GAB2: variants seen among roughly 807,000 people sequenced by gnomAD.
The protein encoded by GAB2 is GRB2 associated binding protein 2, also known as GRB2-associated-binding protein 2.
A neutral mutation model predicts 65.5 loss-of-function variants in GAB2; 26 were observed. The observed-to-expected ratio is 0.40, with a 90% CI of 0.29 to 0.55. The LOEUF (loss-of-function observed/expected upper bound fraction) is 0.55, where lower values mean the gene tolerates loss of function less well. Ranked by LOEUF, GAB2 falls within the 20% of genes least tolerant of loss-of-function variation. The pLI is 0.53. For synonymous variants in GAB2, 321 were observed against 329.6 expected, an observed-to-expected ratio of 0.97 and a Z score of 0.28; for missense variants, 884 against 875.8, an observed-to-expected ratio of 1.01 and a Z score of -0.12.
rs114566739 is a variant in GAB2, at chr11:78,318,530, A to G, written c.76-37629T>C. On this transcript the variant is annotated intron_variant, in intron 1 of 9. Transcript: ENST00000361507. ...ATGAGGATAGATTAAGGGAAACAGGAAGCCCAGACAAAACAGGATAAGGGC... is the reference window on the plus strand; with the variant it reads ...ATGAGGATAGATTAAGGGAAACAGGGAGCCCAGACAAAACAGGATAAGGGC... Among the ~76,000 whole-genome samples, 1,149 of 152,108 alleles carry G rather than the reference A, an allele frequency of 7.6e-3. 13 individuals are homozygous for G. Among genetic ancestry groups the G allele is most frequent in the African/African-American group, 0.026 (1,092 of 41,472 alleles).
rs1180956873 is a variant in GAB2 at position 78,219,422 on chromosome 11, G to A, written c.1888-7C>T. ...TGACGGATGAAGTAGATGGCTGAGG[G>A]GACAGAGTGGGAAAGAGGGAGTAGC... On this transcript the variant is annotated splice_region_variant and splice_polypyrimidine_tract_variant and intron_variant, in intron 9 of 9. Coordinates refer to ENST00000361507, the MANE Select transcript of GAB2 (RefSeq NM_080491.3). 3 of 1,613,522 alleles carry A rather than the reference G, an allele frequency of 1.9e-6. No homozygotes were observed. In the South Asian group the frequency reaches 3.3e-5, roughly 18 times the overall value.
intron 1 of GAB2, among the ~76,000 whole-genome samples, chr11:78,366,271 T>C (rs1856495860): frequency 6.6e-6 from 1 of 152,094 alleles, no homozygotes; most frequent in South Asian, 2.1e-4. Context: ...ACAAGCTCTT[T>C]AACATAATAT....
At chr11:78,219,474 A>G (rs910279755) in intron 9 of GAB2, 59 bp from the exon 10 acceptor site, 7 of 1,538,342 alleles carry the variant, frequency 4.6e-6, no homozygotes, top group Non-Finnish European at 6.3e-6. Context: ...GGTGGGGAGG[A>G]AGAAGGTGGG....
chr11:78,260,561 T>C (rs1372555472), intron 2 of GAB2, among the ~76,000 whole-genome samples: 1 of 151,924 alleles, frequency 6.6e-6, no homozygotes, highest in Non-Finnish European at 1.5e-5. Context: ...AACCTCCGCC[T>C]TCTGGGTTCA....
At chr11:78,358,449 A>G (rs1480314617) in intron 1 of GAB2, among the ~76,000 whole-genome samples, 4 of 143,880 alleles carry the variant, frequency 2.8e-5, no homozygotes, top group Non-Finnish European at 3.0e-5. Context: ...TATAATAATA[A>G]TAATAATAAT....
At chr11:78,244,007 C>CA (rs907418246) in intron 3 of GAB2, among the ~76,000 whole-genome samples, 13 of 150,734 alleles carry the variant, frequency 8.6e-5, no homozygotes, top group Non-Finnish European at 1.8e-4. Flanking sequence ...ATGGAATTTG[C>CA]AAAAAAAAGT....
At chr11:78,243,833 G>T (rs12291303) in intron 3 of GAB2, among the ~76,000 whole-genome samples, 2,975 of 152,164 alleles carry the variant, frequency 0.02, 108 homozygotes, top group African/African-American at 0.07. Context: ...GACAGAGCAA[G>T]ACTCTGTCTC....
At chr11:78,276,975 G>A (rs1026062269) in intron 2 of GAB2, among the ~76,000 whole-genome samples, 12 of 151,970 alleles carry the variant, frequency 7.9e-5, no homozygotes, top group Non-Finnish European at 2.9e-5. Context: ...CCGCCACCAC[G>A]CCCGGCTATT....
At chr11:78,322,857 A>T (rs1050751599) in intron 1 of GAB2, among the ~76,000 whole-genome samples, 5 of 152,018 alleles carry the variant, frequency 3.3e-5, no homozygotes, top group African/African-American at 1.2e-4. Flanking sequence ...GGAAATCCTT[A>T]TACACTGTTG....
At chr11:78,307,026 G>T (rs1855376541) in intron 1 of GAB2, among the ~76,000 whole-genome samples, 1 of 152,204 alleles carries the variant, frequency 6.6e-6, no homozygotes, top group African/African-American at 2.4e-5. Context: ...ACTGATCACA[G>T]CAAGTAATTA....
At chr11:78,345,992 T>A (rs1357716099) in intron 1 of GAB2, among the ~76,000 whole-genome samples, 28 of 152,198 alleles carry the variant, frequency 1.8e-4, no homozygotes, top group Non-Finnish European at 1.5e-5. Context: ...AGATAAACTG[T>A]CTTTTCTCCT....
intron 1 of GAB2, among the ~76,000 whole-genome samples, chr11:78,406,855 G>A (rs964400892): frequency 2.0e-5 from 3 of 152,016 alleles, no homozygotes; most frequent in Non-Finnish European, 4.4e-5. Context: ...TGGAAAATTG[G>A]AAAGCCTCCA....
At chr11:78,304,670 TG>T (rs1290166087) in intron 1 of GAB2, among the ~76,000 whole-genome samples, 1 of 152,214 alleles carries the variant, frequency 6.6e-6, no homozygotes, top group African/African-American at 2.4e-5. Context: ...CTGTAGTCCC[TG>T]GGCCAGTTAC....
Position 78,316,425 on chromosome 11 carries a change from A to C in GAB2, c.76-35524T>G, listed in dbSNP as rs910808260. ...GGATTATAAGGGGTTAATAACTAGA[A>C]TATATAAAGAACTACAATAACAACA... On this transcript the variant is annotated intron_variant, in intron 1 of 9. Transcript: ENST00000361507. Among the ~76,000 whole-genome samples the C allele has an allele frequency of 3.3e-5, 5 of 152,322 alleles. No individual in the cohort carries two copies. In the South Asian group the frequency reaches 8.3e-4, roughly 25 times the overall value.
intron 1 of GAB2, among the ~76,000 whole-genome samples, chr11:78,317,213 G>A (rs1358817152): frequency 1.3e-5 from 2 of 152,306 alleles, no homozygotes; most frequent in East Asian, 3.9e-4. Flanking sequence ...ATGGATGGTG[G>A]TAATGGCTGC....
chr11:78,371,481 C>T (rs1411807393), intron 1 of GAB2, among the ~76,000 whole-genome samples: 1 of 152,172 alleles, frequency 6.6e-6, no homozygotes, highest in Non-Finnish European at 1.5e-5. Flanking sequence ...ATAAGAGGGG[C>T]TGATTCTTTT....
chr11:78,303,045 A>G (rs1316543053), intron 1 of GAB2, among the ~76,000 whole-genome samples: 1 of 152,156 alleles, frequency 6.6e-6, no homozygotes, highest in Admixed American at 6.5e-5. Context: ...GGGACTCGGG[A>G]AAGGGTGAGA....
intron 1 of GAB2, among the ~76,000 whole-genome samples, chr11:78,397,887 G>C (rs761455952): frequency 3.9e-5 from 6 of 152,146 alleles, no homozygotes; most frequent in Admixed American, 6.6e-5. Context: ...TATAGTCTCT[G>C]TTGGTATCCA....
At chr11:78,398,325 T>G (rs1856928524) in intron 1 of GAB2, among the ~76,000 whole-genome samples, 1 of 152,174 alleles carries the variant, frequency 6.6e-6, no homozygotes, top group African/African-American at 2.4e-5. Context: ...CTATATGACA[T>G]GACAGGCCTG....
Sources: allele counts gnomAD v4.1 joint callset (sites outside exome capture counted in the v4.1 genomes callset), GRCh38; gene constraint gnomAD v4.1.1; transcripts MANE v1.5; gene names NCBI Gene and HGNC (gene_info 2026-07-23, HGNC 2026-07-21).